SPATA9: variants seen among roughly 807,000 people sequenced by gnomAD.
SPATA9 encodes the protein spermatogenesis associated 9.
A neutral mutation model predicts 25.5 loss-of-function variants in SPATA9; 27 were observed. The observed-to-expected ratio is 1.06, with a 90% CI of 0.78 to 1.46. The LOEUF (loss-of-function observed/expected upper bound fraction) is 1.46, where lower values mean the gene tolerates loss of function less well. Ranked by LOEUF, SPATA9 falls within the 40% of genes most tolerant of loss-of-function variation. SPATA9 has a pLI of 0.00. For missense variants in SPATA9, 282 were observed against 297.5 expected (o/e 0.95, Z 0.38); for synonymous variants, 102 against 105.7 (o/e 0.97, Z 0.21).
intron 4 of SPATA9, among the ~76,000 whole-genome samples, chr5:95,662,112 A>G (rs1580287112): frequency 1.3e-5 from 2 of 152,190 alleles, no homozygotes. Context: ...GAGAATCCAT[A>G]AACAGACCTA....
At chr5:95,714,278 A>G in the SPATA9 span, among the ~76,000 whole-genome samples, 7 of 152,186 alleles carry the variant, frequency 4.6e-5, no homozygotes, top group Non-Finnish European at 7.3e-5. Flanking sequence ...AGAGTCATCA[A>G]TGTAGGAGCA....
the SPATA9 span, among the ~76,000 whole-genome samples, chr5:95,712,971 AT>A: frequency 6.6e-6 from 1 of 151,900 alleles, no homozygotes; most frequent in Non-Finnish European, 1.5e-5. Context: ...ATTCCAAGAG[AT>A]TTTATCCTTT....
chr5:95,671,394 A>G (rs1454396343), intron 3 of SPATA9, among the ~76,000 whole-genome samples: 3 of 152,096 alleles, frequency 2.0e-5, no homozygotes, highest in Admixed American at 6.6e-5. Context: ...GTGATTTTGC[A>G]TATCAGGTTT....
At chr5:95,653,237 T>A in intron 8 of SPATA9, 1 of 1,551,470 alleles carries the variant, frequency 6.4e-7, no homozygotes, top group Non-Finnish European at 8.7e-7. Flanking sequence ...AAGGTTTTCA[T>A]TCATACCCAC....
At chr5:95,730,956 G>A in the SPATA9 span, 4 of 496,890 alleles carry the variant, frequency 8.1e-6, no homozygotes, top group East Asian at 6.9e-5. Context: ...GGCGGCACTC[G>A]GGCTGGAATC....
At chr5:95,731,027 C>T in the SPATA9 span, 4 of 914,104 alleles carry the variant, frequency 4.4e-6, no homozygotes, top group African/African-American at 3.5e-5. Flanking sequence ...TCGCCCCACC[C>T]CCCTTTCCTG....
chr5:95,727,040 C>A, the SPATA9 span, among the ~76,000 whole-genome samples: 72 of 152,124 alleles, frequency 4.7e-4, no homozygotes, highest in South Asian at 3.3e-3. Flanking sequence ...CTTCTGTACC[C>A]CACCTTGAAG....
the SPATA9 span, chr5:95,731,614 C>CG: frequency 6.2e-7 from 1 of 1,602,916 alleles, no homozygotes; most frequent in Non-Finnish European, 8.5e-7. Context: ...ACTCGCCGCC[C>CG]GGGGGCCCCG....
the SPATA9 span, among the ~76,000 whole-genome samples, chr5:95,711,802 G>A: frequency 0.61 from 92,323 of 152,134 alleles, 28,641 homozygotes; most frequent in East Asian, 0.97. Flanking sequence ...CGGAGCCATG[G>A]AGGAGGATTC....
chr5:95,704,564 A>T, the SPATA9 span, among the ~76,000 whole-genome samples: 1 of 152,238 alleles, frequency 6.6e-6, no homozygotes, highest in African/African-American at 2.4e-5. Context: ...TTAAATGATT[A>T]ATAAAATAAA....
downstream of SPATA9, chr5:95,657,694 GT>G (rs1356853648): frequency 7.9e-5 from 12 of 152,242 alleles, no homozygotes; most frequent in African/African-American, 2.6e-4. Flanking sequence ...TTCTGTTGGA[GT>G]TTGGATAGCA....
Position 95,663,948 on chromosome 5 carries a change from C to G in SPATA9, c.474+5G>C, listed in dbSNP as rs748027420. On this transcript the variant is annotated splice_donor_5th_base_variant and intron_variant, in intron 4 of 4. Transcript: ENST00000274432. ...TTCTAGATTCTAATAATTTTCTTAA[C>G]TTACCAAATAAATTAGTGCTGCATA... 4 of 1,491,354 alleles carry G rather than the reference C, an allele frequency of 2.7e-6. No individual in the cohort carries two copies. The East Asian group carries it at 9.3e-5, about 35-fold the overall frequency. 92.4% of individuals were successfully genotyped at this position (1,491,354 alleles called of 1,614,324 possible).
the SPATA9 span, among the ~76,000 whole-genome samples, chr5:95,708,324 A>G: frequency 2.1e-3 from 316 of 151,964 alleles, no homozygotes; most frequent in Admixed American, 0.018. Context: ...TTTTTTTTGG[A>G]TGGTGAACAT....
intron 2 of SPATA9, 104 bp from the exon 3 acceptor site, chr5:95,675,743 T>A: frequency 4.8e-6 from 4 of 839,296 alleles, no homozygotes; most frequent in Non-Finnish European, 7.5e-6. Flanking sequence ...TTGTGCATGG[T>A]GTCATGCATA....
In SPATA9 at chr5:95,662,812, A is replaced by G. The variant is rs561925052; in HGVS notation, c.474+1141T>C. On this transcript the variant is annotated intron_variant, in intron 4 of 4. Transcript: ENST00000274432. ...TATGCAGAGGTACTCAATCTCATTA[A>G]TAGCCAAGGAGATGCAAATTAAAAC... Among the ~76,000 whole-genome samples the G allele has an allele frequency of 7.9e-5, 12 of 152,372 alleles. No homozygotes were observed. In the East Asian group the frequency reaches 2.3e-3, roughly 29 times the overall value.
chr5:95,731,508 G>A, the SPATA9 span: 1 of 1,249,756 alleles, frequency 8.0e-7, no homozygotes, highest in African/African-American at 1.6e-5. Context: ...CGGCTCGCTC[G>A]CTGGCTGGCG....
upstream of SPATA9, chr5:95,684,799 T>C (rs1753696383): frequency 6.6e-6 from 1 of 152,224 alleles, no homozygotes; most frequent in African/African-American, 2.4e-5. Context: ...TTTTTCTTGT[T>C]AATTCTTCAT....
At chr5:95,726,029 A>C in the SPATA9 span, among the ~76,000 whole-genome samples, 1 of 152,230 alleles carries the variant, frequency 6.6e-6, no homozygotes, top group Non-Finnish European at 1.5e-5. Context: ...TTGGAACACA[A>C]TGTAGTAAAT....
chr5:95,717,574 A>AAGGGGAGGAGCC, the SPATA9 span: 3 of 152,364 alleles, frequency 2.0e-5, no homozygotes, highest in Admixed American at 2.0e-4. Flanking sequence ...GGAGACTCTG[A>AAGGGGAGGAGCC]AGGGGAGGAG....
Sources: gnomAD v4.1 joint callset for allele counts (sites outside exome capture counted in the v4.1 genomes callset) on GRCh38, gnomAD v4.1.1 for gene constraint, MANE v1.5 for transcripts, NCBI Gene and HGNC (gene_info 2026-07-23, HGNC 2026-07-21) for gene names.